The following DDX25 variants were observed in gnomAD, a reference collection of about 807,000 sequenced individuals.
The protein encoded by DDX25 is ATP-dependent RNA helicase DDX25.
A neutral mutation model predicts 64.6 loss-of-function variants in DDX25; 70 were observed. That is an observed-to-expected ratio of 1.08 (90% CI 0.89 to 1.32). DDX25 has a LOEUF of 1.32. DDX25 is among the 40% of genes most tolerant of loss of function. The pLI, the probability that DDX25 is intolerant of heterozygous loss-of-function variation, is 0.00. For synonymous variants in DDX25, 211 were observed against 213.3 expected, an observed-to-expected ratio of 0.99 and a Z score of 0.09; for missense variants, 587 against 604.4, an observed-to-expected ratio of 0.97 and a Z score of 0.30.
intron 4 of DDX25, among the ~76,000 whole-genome samples, chr11:125,907,414 C>A (rs113412835): frequency 6.6e-6 from 1 of 152,114 alleles, no homozygotes; most frequent in Non-Finnish European, 1.5e-5. Context: ...CGAGACCATC[C>A]TGGCTAACAC....
In DDX25 at chr11:125,922,639, G is replaced by A. The variant is rs1347149999; in HGVS notation, c.1391-181G>A. The A allele has an allele frequency of 7.7e-6, 4 of 520,654 alleles. No individual in the cohort carries two copies. The African/African-American group carries it at 7.7e-5, about 10-fold the overall frequency. 32.3% of individuals were successfully genotyped at this position (520,654 alleles called of 1,614,324 possible). A position where few individuals can be genotyped will look rare whatever the true frequency, so the allele number is the denominator to read the frequency against. On this transcript the variant is annotated intron_variant, in intron 11 of 11. Transcript: ENST00000263576. The stretch of plus-strand genomic sequence containing the variant: ...CGTATCTAGATACATACATTCCATG[G>A]TCTGGTGCATTTGATGCTGTTTGAG...
At chr11:125,905,989 T>TA (rs1277124895) in intron 3 of DDX25, 85 bp from the exon 4 acceptor site, 36 of 1,462,256 alleles carry the variant, frequency 2.5e-5, no homozygotes, top group African/African-American at 4.3e-5. Context: ...AATTGCTTGG[T>TA]ATACAACCAC....
At chr11:125,910,271 G>A in intron 6 of DDX25, 93 bp from the exon 7 acceptor site, 1 of 973,046 alleles carries the variant, frequency 1.0e-6, no homozygotes, top group Non-Finnish European at 1.6e-6. Flanking sequence ...TTTCCTTTCT[G>A]TGCCTCTCCC....
intron 8 of DDX25, among the ~76,000 whole-genome samples, chr11:125,916,785 T>C (rs545942014): frequency 1.3e-5 from 2 of 152,280 alleles, no homozygotes; most frequent in East Asian, 1.9e-4. Flanking sequence ...CCAGAATATA[T>C]ACCTAAACTT....
intron 2 of DDX25, 111 bp from the exon 3 acceptor site, chr11:125,905,442 C>A (rs899232780): frequency 7.4e-7 from 1 of 1,353,092 alleles, no homozygotes; most frequent in Non-Finnish European, 1.0e-6. Flanking sequence ...TGAAATGACT[C>A]TTCTTGCCAG....
chr11:125,914,395 G>T (rs886909773), intron 8 of DDX25, among the ~76,000 whole-genome samples: 2 of 152,216 alleles, frequency 1.3e-5, no homozygotes, highest in Non-Finnish European at 2.9e-5. Context: ...AGGGGAACAG[G>T]CTGAGAGGGC....
In DDX25 at chr11:125,914,457, G is replaced by A. The variant is rs1346865459; in HGVS notation, c.801-2557G>A. ...CTTGATCTCCTCTTTTCAGCCATATGTTTTGCCTCCACTTTCTACTAAGGC... is the reference window on the plus strand; with the variant it reads ...CTTGATCTCCTCTTTTCAGCCATATATTTTGCCTCCACTTTCTACTAAGGC... On this transcript the variant is annotated intron_variant, in intron 8 of 11. Coordinates refer to ENST00000263576, the MANE Select transcript of DDX25 (RefSeq NM_013264.5). Among the ~76,000 whole-genome samples the A allele has an allele frequency of 1.3e-5, 2 of 152,188 alleles. 1 individual carries two copies.
intron 10 of DDX25, among the ~76,000 whole-genome samples, chr11:125,919,003 A>G (rs1945077533): frequency 6.6e-6 from 1 of 152,002 alleles, no homozygotes; most frequent in Non-Finnish European, 1.5e-5. Context: ...TACTGATCAG[A>G]TTTCTGTCTC....
At position 125,905,253 on chromosome 11, in the gene DDX25, T is replaced by TA. The variant is rs1386130600; in HGVS notation, c.107dup (p.Ser37GlufsTer12). ...AACCCCGGAAGAACCTTTGGGGTATTAAGAGTACTGCAGTCCGAAACATAG... is the reference window on the plus strand; with the variant it reads ...AACCCCGGAAGAACCTTTGGGGTATTAAAGAGTACTGCAGTCCGAAACATAG... On this transcript the variant is annotated frameshift_variant, in exon 2 of 12. Transcript: ENST00000263576. LOFTEE classifies it high-confidence loss of function. 1 of 1,551,546 alleles carries TA rather than the reference T, an allele frequency of 6.4e-7. No individual in the cohort carries two copies. Among genetic ancestry groups the TA allele is most frequent in the Admixed American group, 2.0e-5 (1 of 50,980 alleles).
rs571138516 is a variant in DDX25, at chr11:125,907,344, C to T, written c.312-852C>T. Among the ~76,000 whole-genome samples the T allele has an allele frequency of 3.9e-5, 6 of 152,318 alleles. 1 individual carries two copies. The highest frequency in any genetic ancestry group is 7.3e-5 in the Non-Finnish European group (5 of 68,036). ...GAAGTGTTGGCCGGGCGCGGTGGCT[C>T]ACGCCTGTAATCCCAGCACTTTGGG... is the stretch of plus-strand genomic sequence containing the variant. On this transcript the variant is annotated intron_variant, in intron 4 of 11. Transcript: ENST00000263576.
At chr11:125,913,157 CAAA>C (rs1267424794) in intron 8 of DDX25, among the ~76,000 whole-genome samples, 1 of 68,490 alleles carries the variant, frequency 1.5e-5, no homozygotes. Context: ...GACTCCATTT[CAAA>C]AAAAAAAAAA....
At position 125,920,919 on chromosome 11, in the gene DDX25, T is replaced by TACACACAC. The variant is rs3034729; in HGVS notation, c.1202-245_1202-238dup. ...GGCACCTCTCCACCACACACACACATACACACACACACACACACACACACA... is the reference window on the plus strand; with the variant it reads ...GGCACCTCTCCACCACACACACACATACACACACACACACACACACACACACACACACA... On this transcript the variant is annotated intron_variant, in intron 10 of 11. Transcript: ENST00000263576. The TACACACAC allele has an allele frequency of 4.0e-3, 1,072 of 265,260 alleles. 2 individuals are homozygous for TACACACAC. Among genetic ancestry groups the TACACACAC allele is most frequent in the African/African-American group, 8.4e-3 (372 of 44,194 alleles). 16.4% of individuals were successfully genotyped at this position (265,260 alleles called of 1,614,324 possible). A position where few individuals can be genotyped will look rare whatever the true frequency, so the allele number is the denominator to read the frequency against.
rs1241318227 is a variant in DDX25 at position 125,917,015 on chromosome 11, G to A, written c.802G>A (p.Ala268Thr). Reference sequence around the variant, plus strand: ...ACAGCCTTCTCTCCTCTATCACAGAGCTCTACCCTCCGAATGCCAAATGCT... The same window carrying A: ...ACAGCCTTCTCTCCTCTATCACAGAACTCTACCCTCCGAATGCCAAATGCT... ...FSDHSIRIQRALPSECQMLLF... is the reference protein window; with the variant it reads ...FSDHSIRIQRTLPSECQMLLF... Residue 268 changes from alanine (A) to threonine (T), a missense_variant and splice_region_variant, in exon 9 of 12, where the codon GCT (alanine) becomes ACT (threonine). Ala to Thr is a moderately conservative substitution (Grantham distance 58). Transcript: ENST00000263576. 6.3e-7 allele frequency: 1 copy of A among 1,587,332 alleles called. No individual in the cohort carries two copies. Among genetic ancestry groups the A allele is most frequent in the Non-Finnish European group, 8.6e-7 (1 of 1,166,290 alleles).
At chr11:125,904,714 G>A (rs1270009418) in intron 1 of DDX25, 134 bp downstream of exon 1, 2 of 1,068,832 alleles carry the variant, frequency 1.9e-6, no homozygotes, top group African/African-American at 1.6e-5. Context: ...GGAGATGCGG[G>A]AAGGGTTTGG....
chr11:125,904,293 TCTCTGCCCTCCGCCCC>T, upstream of DDX25: 2 of 363,998 alleles, frequency 5.5e-6, no homozygotes, highest in Non-Finnish European at 9.7e-6. Context: ...TCCGCCCCGC[TCTCTGCCCTCCGCCCC>T]GCTCTCTGCC....
At position 125,917,191 on chromosome 11, in the gene DDX25, C is replaced by A. The variant is rs374097266; in HGVS notation, c.978C>A (p.Tyr326Ter). 3.7e-6 allele frequency: 6 copies of A among 1,611,110 alleles called. No homozygotes were observed. Among genetic ancestry groups the A allele is most frequent in the Non-Finnish European group, 5.1e-6 (6 of 1,178,934 alleles). ...YVLCEHRKDK[Y>*]QALCNIYGSI... Reference sequence around the variant, plus strand: ...TGTGTGAGCACAGGAAAGACAAATACCAAGCTCTGTGCAACATTTATGGCA... The same window carrying A: ...TGTGTGAGCACAGGAAAGACAAATAACAAGCTCTGTGCAACATTTATGGCA... Residue 326 changes from tyrosine to a stop codon, truncating the protein, a stop_gained, in exon 9 of 12, where the codon TAC becomes TAA. Transcript: ENST00000263576. LOFTEE classifies it high-confidence loss of function.
At chr11:125,914,469 C>G (rs759382058) in intron 8 of DDX25, among the ~76,000 whole-genome samples, 1 of 152,182 alleles carries the variant, frequency 6.6e-6, no homozygotes, top group Admixed American at 6.5e-5. Context: ...TTTGCCTCCA[C>G]TTTCTACTAA....
At position 125,926,802 on chromosome 11, in the gene DDX25, T is replaced by G. The variant is rs1945171918; in HGVS notation, c.*3921T>G. The G allele has an allele frequency of 6.6e-6, 1 of 152,218 alleles. No homozygotes were observed. Among genetic ancestry groups the G allele is most frequent in the African/African-American group, 2.4e-5 (1 of 41,432 alleles). The allele number at this position is 152,218 out of a possible 1,614,324, so 9.4% of individuals were successfully genotyped here. A position where few individuals can be genotyped will look rare whatever the true frequency, so the allele number is the denominator to read the frequency against. Reference sequence around the variant, plus strand: ...CCTCAGGTGATCCACACGCCTTGGCTTCCCAAAGTGCTGGGATTACAGGCA... The same window carrying G: ...CCTCAGGTGATCCACACGCCTTGGCGTCCCAAAGTGCTGGGATTACAGGCA... On this transcript the variant is annotated 3_prime_UTR_variant, in exon 12 of 12. Transcript: ENST00000263576.
intron 4 of DDX25, among the ~76,000 whole-genome samples, chr11:125,907,190 A>G (rs1944899692): frequency 6.6e-6 from 1 of 152,230 alleles, no homozygotes; most frequent in Non-Finnish European, 1.5e-5. Context: ...ACTTATGTAA[A>G]GGGTAAAAAT....
Sources: gnomAD v4.1 joint callset for allele counts (sites outside exome capture counted in the v4.1 genomes callset) on GRCh38, gnomAD v4.1.1 for gene constraint, MANE v1.5 for transcripts, NCBI Gene and HGNC (gene_info 2026-07-23, HGNC 2026-07-21) for gene names.